Variants in SPAST observed in about 807,000 individuals in gnomAD.
The protein encoded by SPAST is spastin.
Under a neutral mutation model 76.6 loss-of-function variants are expected in SPAST, and 30 were observed. The observed-to-expected ratio is 0.39, with a 90% CI of 0.29 to 0.53. The LOEUF is 0.53. SPAST is among the 20% of genes least tolerant of loss of function. SPAST has a pLI of 0.68. For missense variants in SPAST, 717 were observed against 770.5 expected, an observed-to-expected ratio of 0.93 and a Z score of 0.82; for synonymous variants, 305 against 281.0, an observed-to-expected ratio of 1.09 and a Z score of -0.86.
intron 1 of SPAST, among the ~76,000 whole-genome samples, chr2:32,070,793 C>T (rs938721166): frequency 2.0e-5 from 3 of 152,134 alleles, no homozygotes; most frequent in African/African-American, 7.2e-5. Context: ...CCATGCTTGG[C>T]TGATTTTTTA....
chr2:32,105,576 C>T (rs1271223319), intron 4 of SPAST, among the ~76,000 whole-genome samples: 3 of 152,152 alleles, frequency 2.0e-5, no homozygotes, highest in Non-Finnish European at 4.4e-5. Flanking sequence ...TCTGGTTTCT[C>T]CCCATCTTTG....
chr2:32,121,093 G>A (rs537996667), intron 7 of SPAST, among the ~76,000 whole-genome samples: 136 of 152,118 alleles, frequency 8.9e-4, no homozygotes, highest in Middle Eastern at 3.4e-3. Context: ...ATTTTATAAT[G>A]ATATGCTTGA....
At chr2:32,104,280 C>CT (rs939097987) in intron 4 of SPAST, among the ~76,000 whole-genome samples, 8 of 152,086 alleles carry the variant, frequency 5.3e-5, no homozygotes, top group African/African-American at 1.7e-4. Flanking sequence ...GCAAACCCTG[C>CT]TTTTTTTGTT....
intron 1 of SPAST, among the ~76,000 whole-genome samples, chr2:32,075,924 A>G (rs1676946260): frequency 2.6e-5 from 3 of 113,612 alleles, no homozygotes; most frequent in Admixed American, 1.1e-4. Flanking sequence ...TTTTTGAGAC[A>G]GAGTCTCGCT....
At chr2:32,089,270 G>C (rs779916438) in intron 2 of SPAST, among the ~76,000 whole-genome samples, 3 of 144,360 alleles carry the variant, frequency 2.1e-5, no homozygotes, top group African/African-American at 5.1e-5. Flanking sequence ...GAACTCCTGG[G>C]CTCAAGTGAT....
intron 2 of SPAST, among the ~76,000 whole-genome samples, chr2:32,089,199 A>ATTTTTTTTTTTTTTTTTT (rs375585004): frequency 1.1e-5 from 1 of 89,892 alleles, no homozygotes; most frequent in Non-Finnish European, 2.3e-5. Context: ...TGCTCGGCTA[A>ATTTTTTTTTTTTTTTTTT]TTTTTTTTTT....
Position 32,089,547 on chromosome 2 carries a change from C to T in SPAST, c.528C>T (p.Arg176=). 6.2e-7 allele frequency: 1 copy of T among 1,601,390 alleles called. No homozygotes were observed. Among genetic ancestry groups the T allele is most frequent in the Non-Finnish European group, 8.6e-7 (1 of 1,168,676 alleles). ...GQGEQCERAR[R]LQAKMMTNLV... ...GTGAACAGTGTGAAAGAGCTAGACG[C>T]CTTCAAGCTAAAATGATGACTAATT... Residue 176 remains arginine, a synonymous_variant, in exon 3 of 17, where the codon CGC becomes CGT. Coordinates refer to ENST00000315285, the MANE Select transcript of SPAST (RefSeq NM_014946.4).
intron 9 of SPAST, among the ~76,000 whole-genome samples, chr2:32,132,222 T>G (rs1679391594): frequency 6.6e-6 from 1 of 151,930 alleles, no homozygotes; most frequent in Non-Finnish European, 1.5e-5. Flanking sequence ...AAACCCTGTC[T>G]CTACCAGAAA....
intron 1 of SPAST, among the ~76,000 whole-genome samples, chr2:32,076,718 A>G (rs1296056895): frequency 6.6e-6 from 1 of 152,074 alleles, no homozygotes; most frequent in African/African-American, 2.4e-5. Flanking sequence ...CAGGGGCCAT[A>G]ATCAGTAGTC....
intron 1 of SPAST, 25 bp from the exon 2 acceptor site, chr2:32,087,467 A>T (rs773363709): frequency 7.0e-7 from 1 of 1,425,672 alleles, no homozygotes; most frequent in Non-Finnish European, 9.9e-7. Context: ...CATACGATCT[A>T]TACAAATAAT....
chr2:32,128,592 G>A (rs1201229682), intron 9 of SPAST, 113 bp downstream of exon 9: 1 of 741,296 alleles, frequency 1.3e-6, no homozygotes, highest in Non-Finnish European at 2.4e-6. Flanking sequence ...CTTATCTATT[G>A]TATCTATTAT....
At chr2:32,083,777 T>TA (rs1491356904) in intron 1 of SPAST, among the ~76,000 whole-genome samples, 113 of 65,006 alleles carry the variant, frequency 1.7e-3, no homozygotes, top group Middle Eastern at 6.8e-3. Flanking sequence ...TATATATATA[T>TA]TTTTTTTTTT....
rs117215446 is a variant in SPAST at position 32,088,183 on chromosome 2, C to T, written c.502+605C>T. On this transcript the variant is annotated intron_variant, in intron 2 of 16. Transcript: ENST00000315285. ...GAGTACAGGCATGAGCCACTGTGGG[C>T]CACACTTAGCTAATTAAAAAAAATT... 4.9e-3 allele frequency among the ~76,000 whole-genome samples: 750 copies of T among 151,926 alleles called. 23 individuals are homozygous for T. In the East Asian group the frequency reaches 0.077, roughly 16 times the overall value.
At chr2:32,082,005 C>CT (rs35493322) in intron 1 of SPAST, among the ~76,000 whole-genome samples, 2,698 of 71,024 alleles carry the variant, frequency 0.038, 113 homozygotes, top group Non-Finnish European at 0.05. Context: ...AGTTCTCTCT[C>CT]TTTTTTTTTT....
At chr2:32,113,719 C>T (rs1439577883) in intron 4 of SPAST, among the ~76,000 whole-genome samples, 1 of 150,710 alleles carries the variant, frequency 6.6e-6, no homozygotes, top group African/African-American at 2.4e-5. Flanking sequence ...GCCCCCACCA[C>T]CACGTCTGAC....
At chr2:32,078,856 C>G (rs1345925141) in intron 1 of SPAST, among the ~76,000 whole-genome samples, 1 of 151,974 alleles carries the variant, frequency 6.6e-6, no homozygotes, top group East Asian at 1.9e-4. Context: ...TATATTTGAT[C>G]TTCCTTGTGT....
At chr2:32,096,166 G>A (rs1241544035) in intron 3 of SPAST, among the ~76,000 whole-genome samples, 1 of 152,224 alleles carries the variant, frequency 6.6e-6, no homozygotes, top group Non-Finnish European at 1.5e-5. Context: ...TGGGCGCGGT[G>A]GCTCACGCCT....
intron 3 of SPAST, among the ~76,000 whole-genome samples, chr2:32,096,160 C>T (rs187700081): frequency 1.5e-4 from 23 of 152,272 alleles, no homozygotes; most frequent in Middle Eastern, 3.4e-3. Context: ...TGGGTCTGGG[C>T]GCGGTGGCTC....
At position 32,112,190 on chromosome 2, in the gene SPAST, T is replaced by C. The variant is rs1221861764; in HGVS notation, c.683-2448T>C. 2.0e-5 allele frequency among the ~76,000 whole-genome samples: 3 copies of C among 151,694 alleles called. No homozygotes were observed. In the East Asian group the frequency reaches 5.9e-4, roughly 30 times the overall value. On this transcript the variant is annotated intron_variant, in intron 4 of 16. Transcript: ENST00000315285. Reference sequence around the variant, plus strand: ...CTGATCTTAAACTCCTGACCTCAGATGGACCACCTGCTTTGGCCTCCCAAA... The same window carrying C: ...CTGATCTTAAACTCCTGACCTCAGACGGACCACCTGCTTTGGCCTCCCAAA...
Sources: gnomAD v4.1 joint callset for allele counts (sites outside exome capture counted in the v4.1 genomes callset) on GRCh38, gnomAD v4.1.1 for gene constraint, MANE v1.5 for transcripts, NCBI Gene and HGNC (gene_info 2026-07-23, HGNC 2026-07-21) for gene names.